The following MCMDC2 variants were observed in gnomAD, a reference collection of about 807,000 sequenced individuals.
The protein encoded by MCMDC2 is minichromosome maintenance domain-containing protein 2.
MCMDC2 carries 54 observed loss-of-function variants against 75.8 expected under a neutral mutation model. That is an observed-to-expected ratio of 0.71 (90% CI 0.57 to 0.89). The LOEUF (loss-of-function observed/expected upper bound fraction) is 0.89. MCMDC2 is among the 40% of genes least tolerant of loss of function. The pLI is 0.00. For missense variants in MCMDC2, 656 were observed against 780.4 expected (o/e 0.84, Z 1.90); for synonymous variants, 249 against 274.6 (o/e 0.91, Z 0.92).
At chr8:66,882,970 A>G (rs960545644) in intron 8 of MCMDC2, among the ~76,000 whole-genome samples, 3 of 152,132 alleles carry the variant, frequency 2.0e-5, no homozygotes, top group South Asian at 2.1e-4. Context: ...AACTACCCAA[A>G]TGTGGCAAGA....
At chr8:66,922,369 CA>C, downstream of MCMDC2, 1 of 368,852 alleles carries the variant, frequency 2.7e-6, no homozygotes, top group South Asian at 2.1e-5. Flanking sequence ...CAGCTAAGAA[CA>C]TTCATCTACA....
At chr8:66,898,725 G>A (rs1279435156) in intron 12 of MCMDC2, among the ~76,000 whole-genome samples, 5 of 152,026 alleles carry the variant, frequency 3.3e-5, no homozygotes, top group Non-Finnish European at 7.4e-5. Context: ...CAGAAAGGAA[G>A]ATACCCATGT....
At chr8:66,892,927 G>T (rs547544657) in intron 10 of MCMDC2, among the ~76,000 whole-genome samples, 9 of 152,304 alleles carry the variant, frequency 5.9e-5, no homozygotes, top group South Asian at 4.1e-4. Flanking sequence ...CTTGGTCATG[G>T]TGTATAATTC....
At chr8:66,881,367 T>C (rs982337137) in intron 8 of MCMDC2, among the ~76,000 whole-genome samples, 1 of 152,194 alleles carries the variant, frequency 6.6e-6, no homozygotes, top group African/African-American at 2.4e-5. Context: ...GGGTTAACTT[T>C]TGTGGTCTGA....
At chr8:66,876,330 C>G (rs1470233257) in intron 4 of MCMDC2, among the ~76,000 whole-genome samples, 1 of 152,074 alleles carries the variant, frequency 6.6e-6, no homozygotes, top group African/African-American at 2.4e-5. Context: ...TGATTCTTTG[C>G]CTTTATAAAG....
At chr8:66,915,645 A>G (rs2130871452) in intron 14 of MCMDC2, among the ~76,000 whole-genome samples, 1 of 151,742 alleles carries the variant, frequency 6.6e-6, no homozygotes, top group Middle Eastern at 3.4e-3. Flanking sequence ...TCCTACGGAT[A>G]TATCAATAGA....
Position 66,896,776 on chromosome 8 carries a change from G to A in MCMDC2, c.1447-4G>A, listed in dbSNP as rs751653694. The A allele has an allele frequency of 1.3e-6, 2 of 1,595,222 alleles. No individual in the cohort carries two copies. The highest frequency in any genetic ancestry group is 1.7e-6 in the Non-Finnish European group (2 of 1,172,690). On this transcript the variant is annotated splice_region_variant and splice_polypyrimidine_tract_variant and intron_variant, in intron 11 of 14. Coordinates refer to ENST00000422365, the MANE Select transcript of MCMDC2 (RefSeq NM_173518.5). ...TTTGCCTGTTACCTTTTGGTTTGAT[G>A]TAGGATTGCAGTTTGATTCCAGCTA...
At chr8:66,901,487 G>T in intron 13 of MCMDC2, 139 bp downstream of exon 13, 3 of 1,397,182 alleles carry the variant, frequency 2.1e-6, no homozygotes, top group Non-Finnish European at 2.8e-6. Flanking sequence ...TGTTCCAAAA[G>T]GACTAAAGGC....
intron 9 of MCMDC2, among the ~76,000 whole-genome samples, chr8:66,889,566 G>T (rs1167351656): frequency 6.6e-6 from 1 of 152,152 alleles, no homozygotes; most frequent in African/African-American, 2.4e-5. Flanking sequence ...GGGAGGCCAA[G>T]GCAGGAGGAT....
At chr8:66,904,171 A>C (rs946812315) in intron 13 of MCMDC2, among the ~76,000 whole-genome samples, 1 of 152,160 alleles carries the variant, frequency 6.6e-6, no homozygotes, top group African/African-American at 2.4e-5. Context: ...CTCTAATGTG[A>C]TGGTCAAAAC....
At chr8:66,874,954 C>G (rs555198238) in intron 4 of MCMDC2, among the ~76,000 whole-genome samples, 99 of 152,166 alleles carry the variant, frequency 6.5e-4, no homozygotes, top group African/African-American at 2.3e-3. Flanking sequence ...CAGGGTTTCA[C>G]CATGCTGGCC....
In MCMDC2 at chr8:66,874,338, GC is replaced by G. The variant is rs751647139; in HGVS notation, c.108del (p.Tyr37MetfsTer9). 199 of 1,611,738 alleles carry G rather than the reference GC, an allele frequency of 1.2e-4. No individual in the cohort carries two copies. The highest frequency in any genetic ancestry group is 1.6e-4 in the Middle Eastern group (1 of 6,072). ...DCKYYNDSKQ[S>X]YAVYRFKILI... Reference sequence around the variant, plus strand: ...TATATTTTCATAGATTCAAAACAAAGCTATGCTGTCTATCGATTCAAAATTT... The same window carrying G: ...TATATTTTCATAGATTCAAAACAAAGTATGCTGTCTATCGATTCAAAATTT... On this transcript the variant is annotated frameshift_variant, in exon 3 of 15. Transcript: ENST00000422365. LOFTEE classifies it high-confidence loss of function.
downstream of MCMDC2, among the ~76,000 whole-genome samples, chr8:66,923,563 GAACTACAGAC>G (rs1405972002): frequency 6.6e-6 from 1 of 151,998 alleles, no homozygotes. Flanking sequence ...TGATTCACAG[GAACTACAGAC>G]AACTACATGC....
chr8:66,910,635 C>T (rs1414547754), intron 14 of MCMDC2, among the ~76,000 whole-genome samples: 2 of 152,132 alleles, frequency 1.3e-5, no homozygotes, highest in African/African-American at 4.8e-5. Flanking sequence ...CATGGTGAAA[C>T]TCTGTCTCTA....
intron 8 of MCMDC2, 58 bp downstream of exon 8, chr8:66,881,032 C>T (rs992935905): frequency 7.7e-7 from 1 of 1,293,052 alleles, no homozygotes; most frequent in African/African-American, 1.5e-5. Context: ...TCTATTTGTT[C>T]AGCAGATAAG....
chr8:66,876,045 T>A (rs1046152017), intron 4 of MCMDC2, among the ~76,000 whole-genome samples: 2 of 152,218 alleles, frequency 1.3e-5, no homozygotes, highest in Non-Finnish European at 2.9e-5. Flanking sequence ...TTGTTGCACT[T>A]TTAACAGTGT....
At chr8:66,895,019 G>A (rs1812281413) in intron 10 of MCMDC2, among the ~76,000 whole-genome samples, 1 of 152,184 alleles carries the variant, frequency 6.6e-6, no homozygotes, top group Non-Finnish European at 1.5e-5. Flanking sequence ...GTATTCTCCA[G>A]GGGTTGGTTC....
At chr8:66,924,817 A>G (rs916439910), downstream of MCMDC2, among the ~76,000 whole-genome samples, 2 of 152,112 alleles carry the variant, frequency 1.3e-5, no homozygotes, top group African/African-American at 4.8e-5. Flanking sequence ...TCCAACCTCC[A>G]TGCCTTGACT....
chr8:66,915,479 A>G (rs1461893621), intron 14 of MCMDC2, among the ~76,000 whole-genome samples: 1 of 143,676 alleles, frequency 7.0e-6, no homozygotes, highest in Non-Finnish European at 1.5e-5. Context: ...ATATATTTAT[A>G]TATATATTTA....
Sources: gnomAD v4.1 joint callset for allele counts (sites outside exome capture counted in the v4.1 genomes callset) on GRCh38, gnomAD v4.1.1 for gene constraint, MANE v1.5 for transcripts, NCBI Gene and HGNC (gene_info 2026-07-23, HGNC 2026-07-21) for gene names.